Variants in TMEM132D observed in about 807,000 individuals in gnomAD.
The protein encoded by TMEM132D is transmembrane protein 132D, also known as mature OL transmembrane protein.
Under a neutral mutation model 62.3 loss-of-function variants are expected in TMEM132D, and 21 were observed. The ratio of observed to expected loss-of-function variants is 0.34; its 90% confidence interval spans 0.24 to 0.49. TMEM132D has a LOEUF of 0.49. Among genes scored for constraint, TMEM132D ranks in the 20% least tolerant of loss-of-function variants. The pLI, the probability that TMEM132D is intolerant of heterozygous loss-of-function variation, is 0.99. For synonymous variants in TMEM132D, 621 were observed against 575.6 expected (o/e 1.08, Z -1.13); for missense variants, 1,346 against 1,402.8 (o/e 0.96, Z 0.65).
At chr12:129,212,919 G>A (rs1005077735) in intron 4 of TMEM132D, among the ~76,000 whole-genome samples, 1 of 152,166 alleles carries the variant, frequency 6.6e-6, no homozygotes, top group Non-Finnish European at 1.5e-5. Flanking sequence ...AACAATAACA[G>A]CCCCTGTCTT....
intron 5 of TMEM132D, among the ~76,000 whole-genome samples, chr12:129,150,569 G>A (rs1877043069): frequency 6.6e-6 from 1 of 152,218 alleles, no homozygotes; most frequent in Non-Finnish European, 1.5e-5. Context: ...AGGCTTAGCA[G>A]GGTGAAGGAA....
intron 3 of TMEM132D, among the ~76,000 whole-genome samples, chr12:129,524,920 CTTT>C (rs761892015): frequency 1.1e-5 from 1 of 92,170 alleles, no homozygotes; most frequent in African/African-American, 4.4e-5. Context: ...ATATTTTTTT[CTTT>C]TTTCTTTTTT....
At chr12:129,239,436 GTTC>G (rs1436019675) in intron 4 of TMEM132D, among the ~76,000 whole-genome samples, 1 of 152,150 alleles carries the variant, frequency 6.6e-6, no homozygotes, top group East Asian at 1.9e-4. Flanking sequence ...TAGACATACA[GTTC>G]TTCTGACACC....
chr12:129,734,921 A>T (rs1869377773), intron 1 of TMEM132D, among the ~76,000 whole-genome samples: 1 of 152,212 alleles, frequency 6.6e-6, no homozygotes, highest in Non-Finnish European at 1.5e-5. Flanking sequence ...GGAACTATAA[A>T]AGGCAAGTAA....
chr12:129,547,099 G>C (rs11060425), intron 2 of TMEM132D, among the ~76,000 whole-genome samples: 27,710 of 152,086 alleles, frequency 0.18, 2,945 homozygotes, highest in Non-Finnish European at 0.24. Flanking sequence ...CTCTAGGGAA[G>C]AATCCTCCCA....
At position 129,546,570 on chromosome 12, in the gene TMEM132D, G is replaced by A. The variant is rs572764043; in HGVS notation, c.969-15365C>T. On this transcript the variant is annotated intron_variant, in intron 2 of 8. Transcript: ENST00000422113. ...ATTTAAATTAAGAAGAAAGCTGCAA[G>A]GTGGGTGGATCACAAGGTCAGGAGT... 5.3e-5 allele frequency among the ~76,000 whole-genome samples: 8 copies of A among 152,204 alleles called. No individual in the cohort carries two copies. In the East Asian group the frequency reaches 1.6e-3, roughly 30 times the overall value.
intron 1 of TMEM132D, among the ~76,000 whole-genome samples, chr12:129,750,276 G>A (rs1869956959): frequency 6.6e-6 from 1 of 152,086 alleles, no homozygotes; most frequent in African/African-American, 2.4e-5. Context: ...AGTAGAGACT[G>A]GGTTTCACTG....
chr12:129,228,324 G>T (rs192073515), intron 4 of TMEM132D, among the ~76,000 whole-genome samples: 1 of 152,032 alleles, frequency 6.6e-6, no homozygotes, highest in Non-Finnish European at 1.5e-5. Flanking sequence ...CCATTTTTGT[G>T]TTGTTTTGAG....
chr12:129,676,652 G>A (rs1163495039), intron 2 of TMEM132D, among the ~76,000 whole-genome samples: 1 of 152,116 alleles, frequency 6.6e-6, no homozygotes, highest in Non-Finnish European at 1.5e-5. Context: ...TGCGGGGAGG[G>A]CACCAAGCCA....
In TMEM132D at chr12:129,100,950, A is replaced by G. The variant is rs754270288; in HGVS notation, c.1444-16248T>C. 3.7e-4 allele frequency among the ~76,000 whole-genome samples: 56 copies of G among 152,222 alleles called. 1 individual carries two copies. Among genetic ancestry groups the G allele is most frequent in the Admixed American group, 1.1e-3 (17 of 15,276 alleles). On this transcript the variant is annotated intron_variant, in intron 5 of 8. Coordinates refer to ENST00000422113, the MANE Select transcript of TMEM132D (RefSeq NM_133448.3). ...GCAGGGACTGAAGCTGAGCAGCACCAGGCGGTGGCAGGGATTGAAGCTCTG... is the reference window on the plus strand; with the variant it reads ...GCAGGGACTGAAGCTGAGCAGCACCGGGCGGTGGCAGGGATTGAAGCTCTG...
chr12:129,650,081 C>T lies in TMEM132D; in HGVS notation c.968+49729G>A, dbSNP rs558356439. Among the ~76,000 whole-genome samples the T allele has an allele frequency of 1.1e-4, 17 of 152,188 alleles. No homozygotes were observed. The South Asian group carries it at 1.7e-3, about 15-fold the overall frequency. ...TGCTTCCCTCACACACCTCTCTGCCCGCTCTAAGGTATTTTCTATCCTAAA... is the reference window on the plus strand; with the variant it reads ...TGCTTCCCTCACACACCTCTCTGCCTGCTCTAAGGTATTTTCTATCCTAAA... On this transcript the variant is annotated intron_variant, in intron 2 of 8. Transcript: ENST00000422113.
At chr12:129,075,206 G>A (rs1874213084) in intron 8 of TMEM132D, 147 bp from the exon 9 acceptor site, 2 of 654,784 alleles carry the variant, frequency 3.1e-6, no homozygotes, top group South Asian at 2.4e-5. Context: ...GCGATAAGAA[G>A]TACCAAGAGT....
At chr12:129,084,228 A>G (rs2135619085) in intron 6 of TMEM132D, among the ~76,000 whole-genome samples, 1 of 152,296 alleles carries the variant, frequency 6.6e-6, no homozygotes, top group South Asian at 2.1e-4. Flanking sequence ...CAGTGAGGAT[A>G]AGACTTAAAT....
Position 129,348,417 on chromosome 12 carries a change from A to G in TMEM132D, c.1116-10600T>C, listed in dbSNP as rs373270201. Among the ~76,000 whole-genome samples the G allele has an allele frequency of 6.6e-5, 10 of 152,316 alleles. No individual in the cohort carries two copies. In the South Asian group the frequency reaches 1.5e-3, roughly 22 times the overall value. On this transcript the variant is annotated intron_variant, in intron 3 of 8. Transcript: ENST00000422113. ...CATGTCCTTTGCAGGGACATGGATG[A>G]AGCTGGAAACCATCATCCTCAGCAA...
intron 1 of TMEM132D, among the ~76,000 whole-genome samples, chr12:129,777,012 T>C (rs1252968732): frequency 2.6e-5 from 4 of 152,224 alleles, no homozygotes; most frequent in African/African-American, 9.6e-5. Flanking sequence ...GTTAAATATC[T>C]GCACCATATA....
chr12:129,886,434 A>G (rs1195541447), intron 1 of TMEM132D, among the ~76,000 whole-genome samples: 2 of 152,208 alleles, frequency 1.3e-5, no homozygotes, highest in Admixed American at 6.5e-5. Context: ...TATACAGAAT[A>G]TCAGAAAATA....
intron 1 of TMEM132D, among the ~76,000 whole-genome samples, chr12:129,741,809 G>C (rs541063346): frequency 6.6e-6 from 1 of 152,264 alleles, no homozygotes; most frequent in African/African-American, 2.4e-5. Context: ...TACAAAATGA[G>C]GACAGTCTTC....
At chr12:129,840,334 G>C (rs1441625919) in intron 1 of TMEM132D, 1 of 151,994 alleles carries the variant, frequency 6.6e-6, no homozygotes, top group African/African-American at 2.4e-5. Flanking sequence ...TGGCCCCGAG[G>C]ATGCCCCTCC....
chr12:129,489,025 AAT>A (rs1874678981), intron 3 of TMEM132D, among the ~76,000 whole-genome samples: 1 of 152,180 alleles, frequency 6.6e-6, no homozygotes, highest in African/African-American at 2.4e-5. Flanking sequence ...CAATAATGTC[AAT>A]AGTCGTCAAT....
Sources: allele counts gnomAD v4.1 joint callset (sites outside exome capture counted in the v4.1 genomes callset), GRCh38; gene constraint gnomAD v4.1.1; transcripts MANE v1.5; gene names NCBI Gene and HGNC (gene_info 2026-07-23, HGNC 2026-07-21).